Variants in ATP8B4 observed in about 807,000 individuals in gnomAD.
The protein encoded by ATP8B4 is probable phospholipid-transporting ATPase IM.
In ATP8B4, 133 loss-of-function variants were observed where a neutral mutation model predicts 145.6. The observed-to-expected ratio is 0.91, with a 90% CI of 0.79 to 1.05. The LOEUF (loss-of-function observed/expected upper bound fraction) is 1.05, where lower values mean the gene tolerates loss of function less well. Among genes scored for constraint, ATP8B4 ranks in the 50% least tolerant of loss-of-function variants. The pLI, the probability that ATP8B4 is intolerant of heterozygous loss-of-function variation, is 0.00. For synonymous variants in ATP8B4, 507 were observed against 492.9 expected (o/e 1.03, Z -0.38); for missense variants, 1,458 against 1,425.2 (o/e 1.02, Z -0.37).
rs770207242 is a variant in ATP8B4 at position 49,898,173 on chromosome 15, C to T, written c.2368G>A (p.Val790Ile). The T allele has an allele frequency of 3.1e-6, 5 of 1,613,714 alleles. No individual in the cohort carries two copies. In the Admixed American group the frequency reaches 8.3e-5, roughly 27 times the overall value. Residue 790 changes from valine (V) to isoleucine (I), a missense_variant, in exon 22 of 28, where the codon GTC becomes ATC. Transcript: ENST00000284509. ...ACTTGGGCTTTCTGGAGTGGAGTGA[C>T]CCTGCAGCAAATTACAGTCTTACAC... is the stretch of plus-strand genomic sequence containing the variant. ...CMCKTVICCR[V>I]TPLQKAQVVE...
At chr15:50,037,519 T>C (rs2050929700) in intron 6 of ATP8B4, among the ~76,000 whole-genome samples, 1 of 152,184 alleles carries the variant, frequency 6.6e-6, no homozygotes, top group Non-Finnish European at 1.5e-5. Context: ...AACCCCACCT[T>C]ACAGAGGAGA....
intron 10 of ATP8B4, among the ~76,000 whole-genome samples, chr15:49,984,050 G>C (rs761336702): frequency 1.3e-5 from 2 of 152,196 alleles, no homozygotes; most frequent in Non-Finnish European, 2.9e-5. Flanking sequence ...TAAATAATTT[G>C]TAAGTATTTT....
intron 20 of ATP8B4, chr15:49,901,821 T>C: frequency 2.3e-6 from 1 of 426,438 alleles, no homozygotes; most frequent in South Asian, 1.7e-5. Context: ...GGATAGAACA[T>C]TTTAAGCAAA....
intron 2 of ATP8B4, among the ~76,000 whole-genome samples, chr15:50,086,030 TATATATAATATA>T (rs1248062849): frequency 9.6e-6 from 1 of 104,410 alleles, no homozygotes; most frequent in Non-Finnish European, 1.7e-5. Flanking sequence ...CTATATTTAT[TATATATAATATA>T]ATATATAGAT....
intron 17 of ATP8B4, among the ~76,000 whole-genome samples, chr15:49,921,665 G>A (rs1251786098): frequency 6.6e-6 from 1 of 152,194 alleles, no homozygotes; most frequent in Non-Finnish European, 1.5e-5. Context: ...GGTACACATA[G>A]AGGTTTATAA....
At chr15:50,068,584 A>G (rs928160701) in intron 3 of ATP8B4, among the ~76,000 whole-genome samples, 4 of 152,200 alleles carry the variant, frequency 2.6e-5, no homozygotes, top group African/African-American at 7.2e-5. Context: ...ACTCAGGAAA[A>G]AAATCCTTTA....
intron 14 of ATP8B4, 94 bp downstream of exon 14, chr15:49,961,883 T>C: frequency 9.4e-7 from 1 of 1,063,078 alleles, no homozygotes; most frequent in Non-Finnish European, 1.4e-6. Context: ...CATCTGGTCT[T>C]GGTGGAAATC....
intron 5 of ATP8B4, among the ~76,000 whole-genome samples, chr15:50,039,952 G>T (rs1035024051): frequency 6.6e-6 from 1 of 152,094 alleles, no homozygotes; most frequent in Non-Finnish European, 1.5e-5. Context: ...TTATAATATT[G>T]GTAAAGAAGT....
At chr15:49,889,726 A>G (rs1227228450) in intron 23 of ATP8B4, among the ~76,000 whole-genome samples, 1 of 152,270 alleles carries the variant, frequency 6.6e-6, no homozygotes, top group African/African-American at 2.4e-5. Flanking sequence ...TTGCCTGGAT[A>G]AAATCCACCA....
At chr15:49,905,338 A>G (rs1207406392) in intron 20 of ATP8B4, among the ~76,000 whole-genome samples, 1 of 152,204 alleles carries the variant, frequency 6.6e-6, no homozygotes, top group Non-Finnish European at 1.5e-5. Context: ...TTTTTAAATG[A>G]ACTCCCACTG....
chr15:49,992,865 A>G (rs1404013161), intron 9 of ATP8B4, among the ~76,000 whole-genome samples: 1 of 152,092 alleles, frequency 6.6e-6, no homozygotes, highest in Non-Finnish European at 1.5e-5. Flanking sequence ...CATCGATTAT[A>G]CCTTGCCAAA....
intron 2 of ATP8B4, among the ~76,000 whole-genome samples, chr15:50,084,122 G>A (rs117258977): frequency 1.6e-3 from 243 of 151,916 alleles, no homozygotes; most frequent in Non-Finnish European, 2.3e-3. Context: ...CCAGGCACCT[G>A]ACCCAGACTA....
At chr15:49,905,648 G>A (rs555240307) in intron 20 of ATP8B4, among the ~76,000 whole-genome samples, 96 of 152,312 alleles carry the variant, frequency 6.3e-4, no homozygotes, top group African/African-American at 2.2e-3. Context: ...CCAGTCAGCT[G>A]AGCAAGGTGG....
chr15:50,031,900 C>T (rs908552093), intron 6 of ATP8B4, among the ~76,000 whole-genome samples: 46 of 152,152 alleles, frequency 3.0e-4, no homozygotes, highest in Admixed American at 2.9e-3. Flanking sequence ...ACCAGAACTA[C>T]TACTTTATAT....
intron 1 of ATP8B4, among the ~76,000 whole-genome samples, chr15:50,134,621 T>C (rs2044097701): frequency 6.6e-6 from 1 of 152,212 alleles, no homozygotes; most frequent in South Asian, 2.1e-4. Flanking sequence ...TAGGGTTAGA[T>C]TATGACCCTT....
chr15:49,927,682 C>A (rs1271806378), intron 16 of ATP8B4, among the ~76,000 whole-genome samples: 1 of 151,992 alleles, frequency 6.6e-6, no homozygotes, highest in African/African-American at 2.4e-5. Flanking sequence ...CCCTGTGTAG[C>A]AATTTTAGGT....
chr15:49,915,199 A>C (rs2039615609), intron 20 of ATP8B4, among the ~76,000 whole-genome samples: 1 of 152,130 alleles, frequency 6.6e-6, no homozygotes, highest in African/African-American at 2.4e-5. Flanking sequence ...GTTAAGTCAA[A>C]TAAGGCACAG....
At chr15:50,133,714 G>A (rs1317413236) in intron 1 of ATP8B4, among the ~76,000 whole-genome samples, 5 of 152,154 alleles carry the variant, frequency 3.3e-5, no homozygotes, top group Non-Finnish European at 7.4e-5. Context: ...CAAAATTTAT[G>A]AACTTTCAGT....
chr15:49,995,669 CAT>C (rs1435986037), intron 9 of ATP8B4, among the ~76,000 whole-genome samples: 1 of 152,174 alleles, frequency 6.6e-6, no homozygotes, highest in East Asian at 1.9e-4. Context: ...TGCTTTAACT[CAT>C]GTGATTATGC....
Sources: gnomAD v4.1 joint callset for allele counts (sites outside exome capture counted in the v4.1 genomes callset) on GRCh38, gnomAD v4.1.1 for gene constraint, MANE v1.5 for transcripts, NCBI Gene and HGNC (gene_info 2026-07-23, HGNC 2026-07-21) for gene names.